HDAC9: variants seen among roughly 807,000 people sequenced by gnomAD.
The protein encoded by HDAC9 is histone deacetylase 9.
In HDAC9, 41 loss-of-function variants were observed where a neutral mutation model predicts 139.4. The ratio of observed to expected loss-of-function variants is 0.29; its 90% CI spans 0.23 to 0.38. The LOEUF (loss-of-function observed/expected upper bound fraction) is 0.38. Ranked by LOEUF, HDAC9 falls within the 10% of genes least tolerant of loss-of-function variation. The probability of loss-of-function intolerance (pLI) is 1.00; values close to 1 mark genes in which losing one functional copy is unlikely to be tolerated. For missense variants in HDAC9, 1,147 were observed against 1,297.0 expected, an observed-to-expected ratio of 0.88 and a Z score of 1.78; for synonymous variants, 517 against 476.2, an observed-to-expected ratio of 1.09 and a Z score of -1.12.
chr7:18,380,963 C>A (rs560362492), intron 1 of HDAC9, among the ~76,000 whole-genome samples: 2 of 151,664 alleles, frequency 1.3e-5, no homozygotes, highest in African/African-American at 4.8e-5. Context: ...TTTGGGAGGA[C>A]GAGGCAGACA....
Position 18,996,963 on chromosome 7 carries a change from C to G in HDAC9, c.*901C>G, listed in dbSNP as rs906973865. The G allele has an allele frequency of 6.6e-6, 1 of 152,194 alleles. No homozygotes were observed. The highest frequency in any genetic ancestry group is 6.5e-5 in the Admixed American group (1 of 15,268). 9.4% of individuals were successfully genotyped at this position (152,194 alleles called of 1,614,324 possible). ...AAGGTGGTCTTAATTTGTTGCATATCTATCAAGGACTTATTCACTCACCTT... is the reference window on the plus strand; with the variant it reads ...AAGGTGGTCTTAATTTGTTGCATATGTATCAAGGACTTATTCACTCACCTT... On this transcript the variant is annotated 3_prime_UTR_variant, in exon 26 of 26. Coordinates refer to ENST00000686413, the MANE Select transcript of HDAC9 (RefSeq NM_178425.4).
At chr7:18,568,253 T>C (rs1402414503) in intron 2 of HDAC9, among the ~76,000 whole-genome samples, 3 of 152,044 alleles carry the variant, frequency 2.0e-5, no homozygotes, top group Non-Finnish European at 2.9e-5. Context: ...TGGAATATTA[T>C]ACAGGATCTT....
At chr7:18,667,033 G>A in intron 12 of HDAC9, 1 of 985,440 alleles carries the variant, frequency 1.0e-6, no homozygotes, top group Non-Finnish European at 1.2e-6. Flanking sequence ...AAGTAGAAAT[G>A]TTCTGGTCAC....
intron 1 of HDAC9, among the ~76,000 whole-genome samples, chr7:18,413,547 A>G (rs1233000298): frequency 1.3e-5 from 2 of 152,160 alleles, no homozygotes; most frequent in East Asian, 3.8e-4. Context: ...GTATGATAAC[A>G]TTGTCTCTCC....
intron 1 of HDAC9, among the ~76,000 whole-genome samples, chr7:18,463,732 G>A (rs1352465755): frequency 6.6e-6 from 1 of 151,816 alleles, no homozygotes; most frequent in Non-Finnish European, 1.5e-5. Context: ...GAAAACTGTA[G>A]TTTTTCCTCT....
At chr7:18,142,386 G>A (rs1785968352) in intron 1 of HDAC9, among the ~76,000 whole-genome samples, 2 of 152,028 alleles carry the variant, frequency 1.3e-5, no homozygotes, top group Admixed American at 6.6e-5. Flanking sequence ...TCCCCCCAGT[G>A]GCAATTTTCA....
At chr7:18,547,005 A>T (rs1247515969) in intron 2 of HDAC9, among the ~76,000 whole-genome samples, 1 of 152,200 alleles carries the variant, frequency 6.6e-6, no homozygotes, top group Non-Finnish European at 1.5e-5. Flanking sequence ...GACTTACCTT[A>T]TTCAGCCTAT....
intron 2 of HDAC9, among the ~76,000 whole-genome samples, chr7:18,584,626 G>A (rs1051957374): frequency 6.6e-6 from 1 of 152,118 alleles, no homozygotes; most frequent in Non-Finnish European, 1.5e-5. Context: ...TAGGAATGAG[G>A]TAGCTGAGAT....
chr7:18,974,260 T>C (rs567017769), intron 24 of HDAC9, among the ~76,000 whole-genome samples: 1 of 152,216 alleles, frequency 6.6e-6, no homozygotes, highest in Middle Eastern at 3.2e-3. Context: ...TAGGAGCACA[T>C]TTGCACTCTA....
chr7:18,108,683 T>C (rs1783399132), intron 1 of HDAC9, among the ~76,000 whole-genome samples: 2 of 149,702 alleles, frequency 1.3e-5, no homozygotes, highest in Admixed American at 1.3e-4. Flanking sequence ...GTTGTGATTT[T>C]GGCACACTGT....
chr7:18,841,315 T>G (rs1444176347), intron 21 of HDAC9, among the ~76,000 whole-genome samples: 1 of 152,114 alleles, frequency 6.6e-6, no homozygotes, highest in Non-Finnish European at 1.5e-5. Context: ...TTTTTTGTTC[T>G]TGTTCTTATT....
intron 1 of HDAC9, among the ~76,000 whole-genome samples, chr7:18,382,073 C>G (rs1215018464): frequency 1.3e-5 from 2 of 152,018 alleles, no homozygotes; most frequent in African/African-American, 2.4e-5. Context: ...ATTGTTTCCA[C>G]TCAAACAGTA....
At chr7:18,318,648 TAC>T (rs1799819921) in intron 1 of HDAC9, among the ~76,000 whole-genome samples, 1 of 152,234 alleles carries the variant, frequency 6.6e-6, no homozygotes, top group African/African-American at 2.4e-5. Context: ...TAGCATTAAC[TAC>T]TGATGATGAT....
chr7:18,626,559 T>C (rs1841778269), intron 6 of HDAC9, among the ~76,000 whole-genome samples: 1 of 152,202 alleles, frequency 6.6e-6, no homozygotes. Flanking sequence ...GAAGGTATCA[T>C]CTTAGTTGGT....
intron 8 of HDAC9, among the ~76,000 whole-genome samples, chr7:18,643,628 G>C (rs1448183394): frequency 1.3e-5 from 2 of 152,036 alleles, no homozygotes; most frequent in Admixed American, 6.6e-5. Flanking sequence ...CCGGTTAATT[G>C]ATATCCCAGG....
intron 21 of HDAC9, among the ~76,000 whole-genome samples, chr7:18,872,111 T>C (rs574235053): frequency 2.6e-5 from 4 of 152,268 alleles, no homozygotes; most frequent in African/African-American, 7.2e-5. Flanking sequence ...ACTTCACTAA[T>C]TGATTCAGCA....
chr7:18,509,283 C>CT, intron 2 of HDAC9: 5 of 985,376 alleles, frequency 5.1e-6, no homozygotes, highest in Non-Finnish European at 6.0e-6. Context: ...CTCCACTTAA[C>CT]TTCTGCCTTG....
At chr7:18,461,744 C>T (rs148187006) in intron 1 of HDAC9, among the ~76,000 whole-genome samples, 1 of 152,188 alleles carries the variant, frequency 6.6e-6, no homozygotes, top group Non-Finnish European at 1.5e-5. Flanking sequence ...ATTTTAAGAT[C>T]ACTGTGTTAC....
intron 19 of HDAC9, among the ~76,000 whole-genome samples, chr7:18,832,255 T>G (rs1003185507): frequency 6.6e-6 from 1 of 152,246 alleles, no homozygotes; most frequent in Non-Finnish European, 1.5e-5. Flanking sequence ...TAAGCTGTCT[T>G]TGTAAAAGGA....
Sources: allele counts gnomAD v4.1 joint callset (sites outside exome capture counted in the v4.1 genomes callset), GRCh38; gene constraint gnomAD v4.1.1; transcripts MANE v1.5; gene names NCBI Gene and HGNC (gene_info 2026-07-23, HGNC 2026-07-21).